Variants in KDM4C observed in about 807,000 individuals in gnomAD.
KDM4C encodes lysine demethylase 4C, also known as lysine-specific demethylase 4C.
Under a neutral mutation model 129.3 loss-of-function variants are expected in KDM4C, and 81 were observed. That is an observed-to-expected ratio of 0.63 (90% CI 0.52 to 0.75). The LOEUF is 0.75. Among genes scored for constraint, KDM4C ranks in the 30% least tolerant of loss-of-function variants. The pLI, the probability that KDM4C is intolerant of heterozygous loss-of-function variation, is 0.00. For missense variants in KDM4C, 1,457 were observed against 1,304.0 expected (o/e 1.12, Z -1.81); for synonymous variants, 573 against 456.1 (o/e 1.26, Z -3.26).
At chr9:7,070,728 CA>C (rs1264065390) in intron 17 of KDM4C, among the ~76,000 whole-genome samples, 2 of 152,052 alleles carry the variant, frequency 1.3e-5, no homozygotes, top group East Asian at 1.9e-4. Context: ...AGCATACTTA[CA>C]AAAAAACCTA....
chr9:7,142,452 C>G (rs73639824), intron 19 of KDM4C, among the ~76,000 whole-genome samples: 446 of 152,292 alleles, frequency 2.9e-3, no homozygotes, highest in African/African-American at 0.01. Context: ...CCTCCCCTCC[C>G]CTGGGCTCCC....
chr9:7,128,265 C>T, intron 19 of KDM4C, 29 bp downstream of exon 19: 1 of 1,480,436 alleles, frequency 6.8e-7, no homozygotes, highest in Non-Finnish European at 9.0e-7. Context: ...GTGCCTGCTA[C>T]CCAGAGTAAT....
chr9:6,863,924 G>C (rs1841458607), intron 5 of KDM4C, among the ~76,000 whole-genome samples: 1 of 151,926 alleles, frequency 6.6e-6, no homozygotes, highest in African/African-American at 2.4e-5. Context: ...ATTCATGAGT[G>C]ATCCACCCCC....
chr9:7,044,512 CAG>C (rs1439369387), intron 15 of KDM4C, among the ~76,000 whole-genome samples: 1 of 151,850 alleles, frequency 6.6e-6, no homozygotes, highest in Non-Finnish European at 1.5e-5. Context: ...ATGGAGAGAA[CAG>C]GGTGGATTTG....
chr9:6,761,286 G>A (rs1474680612), intron 1 of KDM4C, among the ~76,000 whole-genome samples: 1 of 152,088 alleles, frequency 6.6e-6, no homozygotes, highest in African/African-American at 2.4e-5. Context: ...TGGGATTACA[G>A]GTGTGAACCA....
intron 15 of KDM4C, among the ~76,000 whole-genome samples, chr9:7,039,411 C>G (rs1288119884): frequency 6.6e-6 from 1 of 151,760 alleles, no homozygotes; most frequent in Non-Finnish European, 1.5e-5. Flanking sequence ...TGGTTGATTT[C>G]TAAAAATATA....
rs73411412 is a variant in KDM4C at position 7,117,505 on chromosome 9, C to G, written c.2611-10561C>G. ...TTATTGTTGAGTAAATGCTTTCCTT[C>G]TCATTTTATTCTCTCCAAATTGTAA... On this transcript the variant is annotated intron_variant, in intron 18 of 21. Coordinates refer to ENST00000381309, the MANE Select transcript of KDM4C (RefSeq NM_015061.6). 5.0e-3 allele frequency among the ~76,000 whole-genome samples: 766 copies of G among 152,076 alleles called. 4 individuals are homozygous for G. The highest frequency in any genetic ancestry group is 0.017 in the African/African-American group (720 of 41,468).
At position 7,140,418 on chromosome 9, in the gene KDM4C, G is replaced by A. The variant is rs184411890; in HGVS notation, c.2781+12182G>A. Among the ~76,000 whole-genome samples the A allele has an allele frequency of 1.9e-3, 296 of 152,268 alleles. 1 individual carries two copies. The highest frequency in any genetic ancestry group is 6.7e-3 in the African/African-American group (277 of 41,544). On this transcript the variant is annotated intron_variant, in intron 19 of 21. Transcript: ENST00000381309. ...AAAATGTAACCAGTGTCTAAGAGTAGGTTCCCTCCAGGAGAAATCTAATGA... is the reference window on the plus strand; with the variant it reads ...AAAATGTAACCAGTGTCTAAGAGTAAGTTCCCTCCAGGAGAAATCTAATGA...
intron 4 of KDM4C, among the ~76,000 whole-genome samples, chr9:6,844,985 G>T (rs1022587206): frequency 1.3e-5 from 2 of 152,166 alleles, no homozygotes; most frequent in Non-Finnish European, 2.9e-5. Context: ...ACTGCGCCCA[G>T]CCTAGGACCC....
chr9:7,088,462 T>G (rs1835405516), intron 17 of KDM4C, among the ~76,000 whole-genome samples: 1 of 152,226 alleles, frequency 6.6e-6, no homozygotes. Flanking sequence ...TCAAAAACAT[T>G]GATTTCAAAA....
chr9:6,979,832 G>C (rs754114858), intron 8 of KDM4C, among the ~76,000 whole-genome samples: 3 of 152,126 alleles, frequency 2.0e-5, no homozygotes, highest in Non-Finnish European at 4.4e-5. Flanking sequence ...TGAAGACATA[G>C]GGAGTGTCTA....
rs578069428 is a variant in KDM4C at position 6,865,251 on chromosome 9, G to A, written c.630-14761G>A. On this transcript the variant is annotated intron_variant, in intron 5 of 21. Transcript: ENST00000381309. ...TCTCGATCTCCTGACCTCGTGATCC[G>A]ACCGCCTTGGCCTCCCAAAGTTTTG... Among the ~76,000 whole-genome samples the A allele has an allele frequency of 1.8e-4, 28 of 152,170 alleles. 1 individual carries two copies. The highest frequency in any genetic ancestry group is 1.7e-3 in the South Asian group (8 of 4,820).
At chr9:7,073,617 T>C (rs1167750016) in intron 17 of KDM4C, among the ~76,000 whole-genome samples, 1 of 152,248 alleles carries the variant, frequency 6.6e-6, no homozygotes, top group African/African-American at 2.4e-5. Flanking sequence ...TTTTTGTTTG[T>C]TTTACTTTTC....
At chr9:6,917,311 C>T (rs1018894211) in intron 8 of KDM4C, among the ~76,000 whole-genome samples, 1 of 152,176 alleles carries the variant, frequency 6.6e-6, no homozygotes, top group African/African-American at 2.4e-5. Context: ...TCTCCACTAC[C>T]CAAACTGTAG....
intron 18 of KDM4C, among the ~76,000 whole-genome samples, chr9:7,123,897 G>A (rs1839765969): frequency 6.6e-6 from 1 of 152,180 alleles, no homozygotes; most frequent in Admixed American, 6.5e-5. Context: ...CCTTGTCAGT[G>A]AGAAGTCAGG....
At chr9:6,756,135 G>T (rs951997493), upstream of KDM4C, among the ~76,000 whole-genome samples, 2 of 152,140 alleles carry the variant, frequency 1.3e-5, no homozygotes, top group African/African-American at 4.8e-5. Flanking sequence ...GCTTCCAAAA[G>T]ACCCTAGCTG....
chr9:7,004,563 G>C (rs1036015366), intron 12 of KDM4C, among the ~76,000 whole-genome samples: 1 of 152,050 alleles, frequency 6.6e-6, no homozygotes, highest in East Asian at 1.9e-4. Context: ...TTCTTCTAAT[G>C]TATGCATTAT....
intron 16 of KDM4C, 30 bp from the exon 17 acceptor site, chr9:7,049,062 T>G (rs745652070): frequency 2.3e-5 from 34 of 1,499,852 alleles, no homozygotes; most frequent in Non-Finnish European, 3.1e-5. Flanking sequence ...AGGGAACTTT[T>G]GTTTATGTTT....
At chr9:7,146,574 T>G (rs1315877888) in intron 19 of KDM4C, among the ~76,000 whole-genome samples, 1 of 152,088 alleles carries the variant, frequency 6.6e-6, no homozygotes, top group Non-Finnish European at 1.5e-5. Context: ...TTATACTTAA[T>G]TTTTTTTAAG....
Sources: allele counts gnomAD v4.1 joint callset (sites outside exome capture counted in the v4.1 genomes callset), GRCh38; gene constraint gnomAD v4.1.1; transcripts MANE v1.5; gene names NCBI Gene and HGNC (gene_info 2026-07-23, HGNC 2026-07-21).